The following CDH4 variants were observed in gnomAD, a reference collection of about 807,000 sequenced individuals.
CDH4 encodes the protein cadherin-4.
A neutral mutation model predicts 86.0 loss-of-function variants in CDH4; 33 were observed. That is an observed-to-expected ratio of 0.38 (90% CI 0.29 to 0.51). The LOEUF is 0.51. Ranked by LOEUF, CDH4 falls within the 20% of genes least tolerant of loss-of-function variation. CDH4 has a pLI of 0.86. For missense variants in CDH4, 1,114 were observed against 1,307.4 expected (o/e 0.85, Z 2.28); for synonymous variants, 555 against 549.4 (o/e 1.01, Z -0.14).
At chr20:61,920,533 A>C (rs1291707308) in intron 9 of CDH4, among the ~76,000 whole-genome samples, 1 of 140,036 alleles carries the variant, frequency 7.1e-6, no homozygotes, top group Non-Finnish European at 1.5e-5. Flanking sequence ...TGGTGTCGTG[A>C]TGATTGCATG....
chr20:61,595,832 G>A (rs923938022), intron 2 of CDH4, among the ~76,000 whole-genome samples: 1 of 152,192 alleles, frequency 6.6e-6, no homozygotes, highest in Non-Finnish European at 1.5e-5. Flanking sequence ...CAGGGACCAG[G>A]CTCCAGTGCT....
chr20:61,267,132 T>A (rs912826155), intron 2 of CDH4, among the ~76,000 whole-genome samples: 4 of 152,152 alleles, frequency 2.6e-5, no homozygotes, highest in African/African-American at 9.7e-5. Context: ...CTGTTGACAC[T>A]GGGATTTCAG....
chr20:61,882,487 A>G (rs1053334216), intron 7 of CDH4, among the ~76,000 whole-genome samples: 28 of 152,282 alleles, frequency 1.8e-4, no homozygotes, highest in African/African-American at 6.3e-4. Context: ...TTCTCTCAAG[A>G]TTCAGGACCT....
intron 2 of CDH4, among the ~76,000 whole-genome samples, chr20:61,401,430 C>T (rs2085049032): frequency 6.6e-6 from 1 of 152,142 alleles, no homozygotes; most frequent in African/African-American, 2.4e-5. Context: ...CGATTGCACC[C>T]CACCCTACCA....
At chr20:61,856,238 A>G (rs1982997621) in intron 6 of CDH4, among the ~76,000 whole-genome samples, 1 of 152,192 alleles carries the variant, frequency 6.6e-6, no homozygotes, top group Non-Finnish European at 1.5e-5. Flanking sequence ...TGCGTGTTCT[A>G]ATGGAAAACA....
chr20:61,773,977 G>C (rs950607494), intron 4 of CDH4, among the ~76,000 whole-genome samples: 1 of 152,320 alleles, frequency 6.6e-6, no homozygotes, highest in South Asian at 2.1e-4. Context: ...CACCAGGCAG[G>C]GTCCCCCCAA....
chr20:61,545,060 G>A (rs527532156), intron 2 of CDH4, among the ~76,000 whole-genome samples: 16 of 152,294 alleles, frequency 1.1e-4, no homozygotes, highest in Non-Finnish European at 8.8e-5. Context: ...GAGCGCCCTC[G>A]CTTCTGTGGG....
intron 4 of CDH4, among the ~76,000 whole-genome samples, chr20:61,817,496 C>CTT (rs200150868): frequency 2.0e-5 from 3 of 150,190 alleles, no homozygotes; most frequent in African/African-American, 4.9e-5. Context: ...CAACTTCTCG[C>CTT]TTTTTTTTTT....
chr20:61,740,415 T>C (rs1339305379), intron 2 of CDH4: 1 of 152,206 alleles, frequency 6.6e-6, no homozygotes, highest in Non-Finnish European at 1.5e-5. Context: ...AAACAGATTG[T>C]TCATACATTC....
At chr20:61,911,958 G>T (rs1031834227) in intron 9 of CDH4, among the ~76,000 whole-genome samples, 6 of 152,210 alleles carry the variant, frequency 3.9e-5, no homozygotes, top group Admixed American at 1.3e-4. Context: ...CACGTGAGAG[G>T]AGTCTGAGGT....
chr20:61,884,581 G>A lies in CDH4; in HGVS notation c.1051-10329G>A, dbSNP rs971821524. ...CGGTGACAGCCTGGGGGCACCCAGC[G>A]AGGGGCTCCATGCTCAGCCCCTCCC... On this transcript the variant is annotated intron_variant, in intron 7 of 15. Coordinates refer to ENST00000614565, the MANE Select transcript of CDH4 (RefSeq NM_001794.5). Among the ~76,000 whole-genome samples, 10 of 152,168 alleles carry A rather than the reference G, an allele frequency of 6.6e-5. 1 individual carries two copies. Among genetic ancestry groups the A allele is most frequent in the Non-Finnish European group, 1.3e-4 (9 of 68,022 alleles).
intron 4 of CDH4, among the ~76,000 whole-genome samples, chr20:61,824,930 T>G (rs75530004): frequency 0.025 from 3,744 of 152,292 alleles, 123 homozygotes; most frequent in East Asian, 0.1. Flanking sequence ...TGTTGAAAAG[T>G]CAGATCGTCT....
chr20:61,818,472 C>T (rs925672784), intron 4 of CDH4, among the ~76,000 whole-genome samples: 4 of 152,048 alleles, frequency 2.6e-5, no homozygotes, highest in African/African-American at 9.7e-5. Context: ...GCCAGGAATT[C>T]CAGACCAGCC....
chr20:61,641,117 G>T (rs1443365106), intron 2 of CDH4, among the ~76,000 whole-genome samples: 1 of 152,234 alleles, frequency 6.6e-6, no homozygotes, highest in East Asian at 1.9e-4. Flanking sequence ...GCTGGGCAGG[G>T]TGGGGCACAG....
chr20:61,522,858 C>A (rs1374484064), intron 2 of CDH4, among the ~76,000 whole-genome samples: 2 of 152,268 alleles, frequency 1.3e-5, no homozygotes, highest in African/African-American at 4.8e-5. Flanking sequence ...ATTAGTCTAA[C>A]ACTTACTACC....
At chr20:61,515,544 G>A (rs1375929967) in intron 2 of CDH4, among the ~76,000 whole-genome samples, 2 of 152,170 alleles carry the variant, frequency 1.3e-5, no homozygotes, top group East Asian at 3.9e-4. Flanking sequence ...GGAGTCGGTT[G>A]TCCCTCCCTC....
At chr20:61,780,555 T>C (rs1276793709) in intron 4 of CDH4, among the ~76,000 whole-genome samples, 1 of 152,204 alleles carries the variant, frequency 6.6e-6, no homozygotes, top group Non-Finnish European at 1.5e-5. Context: ...CAGCCCTTCA[T>C]GGTCATTAGG....
intron 2 of CDH4, among the ~76,000 whole-genome samples, chr20:61,609,502 A>G (rs1413279759): frequency 6.6e-6 from 1 of 152,172 alleles, no homozygotes; most frequent in African/African-American, 2.4e-5. Flanking sequence ...CCCAAGTTGA[A>G]ACAAATTCCA....
At chr20:61,798,184 G>A (rs886630050) in intron 4 of CDH4, among the ~76,000 whole-genome samples, 6 of 146,738 alleles carry the variant, frequency 4.1e-5, no homozygotes, top group South Asian at 2.3e-4. Flanking sequence ...CCCCCGCCCC[G>A]CCCGGCCCTG....
Sources: allele counts gnomAD v4.1 joint callset (sites outside exome capture counted in the v4.1 genomes callset), GRCh38; gene constraint gnomAD v4.1.1; transcripts MANE v1.5; gene names NCBI Gene and HGNC (gene_info 2026-07-23, HGNC 2026-07-21).